STAU2: variants seen among roughly 807,000 people sequenced by gnomAD.
STAU2 encodes double-stranded RNA-binding protein Staufen homolog 2.
In STAU2, 20 loss-of-function variants were observed where a neutral mutation model predicts 65.9. The observed-to-expected ratio is 0.30, with a 90% CI of 0.21 to 0.44. The LOEUF (loss-of-function observed/expected upper bound fraction) is 0.44, where lower values mean the gene tolerates loss of function less well. STAU2 is among the 20% of genes least tolerant of loss of function. The pLI, the probability that STAU2 is intolerant of heterozygous loss-of-function variation, is 1.00. For synonymous variants in STAU2, 232 were observed against 233.9 expected, an observed-to-expected ratio of 0.99 and a Z score of 0.07; for missense variants, 558 against 683.9, an observed-to-expected ratio of 0.82 and a Z score of 2.05.
At chr8:73,741,788 C>T (rs1413481435) in intron 1 of STAU2, among the ~76,000 whole-genome samples, 1 of 152,232 alleles carries the variant, frequency 6.6e-6, no homozygotes, top group Non-Finnish European at 1.5e-5. Flanking sequence ...GCCAAGATTA[C>T]AGGCGTGAGC....
intron 13 of STAU2, among the ~76,000 whole-genome samples, chr8:73,453,637 A>G (rs970265396): frequency 3.3e-5 from 5 of 152,226 alleles, no homozygotes; most frequent in Non-Finnish European, 5.9e-5. Context: ...TAGCTAAACC[A>G]GTTTGAAAAT....
intron 13 of STAU2, among the ~76,000 whole-genome samples, chr8:73,534,497 A>G (rs1466217966): frequency 6.6e-6 from 1 of 152,194 alleles, no homozygotes; most frequent in African/African-American, 2.4e-5. Flanking sequence ...GTACAAATCT[A>G]CATGTTAGTT....
At chr8:73,438,390 G>A (rs1413419411) in intron 13 of STAU2, among the ~76,000 whole-genome samples, 1 of 152,204 alleles carries the variant, frequency 6.6e-6, no homozygotes, top group Non-Finnish European at 1.5e-5. Context: ...GACACCAAGA[G>A]GTGGTGCTCA....
At chr8:73,726,152 A>T (rs1170402446) in intron 3 of STAU2, among the ~76,000 whole-genome samples, 1 of 152,102 alleles carries the variant, frequency 6.6e-6, no homozygotes, top group African/African-American at 2.4e-5. Flanking sequence ...GGAACTGGAG[A>T]CTTATTCTAA....
chr8:73,640,016 A>C (rs2130117354), intron 6 of STAU2, among the ~76,000 whole-genome samples: 1 of 152,258 alleles, frequency 6.6e-6, no homozygotes, highest in African/African-American at 2.4e-5. Flanking sequence ...AGTAAGAATA[A>C]CATTCTGTTG....
intron 13 of STAU2, among the ~76,000 whole-genome samples, chr8:73,496,168 A>G (rs1821408598): frequency 6.6e-6 from 1 of 151,488 alleles, no homozygotes; most frequent in Admixed American, 6.6e-5. Context: ...GGTATTCACT[A>G]TAAAATTCTG....
intron 3 of STAU2, among the ~76,000 whole-genome samples, chr8:73,728,724 G>A (rs1005732271): frequency 6.6e-6 from 1 of 151,972 alleles, no homozygotes; most frequent in Non-Finnish European, 1.5e-5. Context: ...TTTTTGTATT[G>A]TTCATTCCGA....
chr8:73,453,053 G>A (rs1053335078), intron 13 of STAU2, among the ~76,000 whole-genome samples: 6 of 152,124 alleles, frequency 3.9e-5, no homozygotes, highest in Non-Finnish European at 5.9e-5. Flanking sequence ...TTGTATTTGT[G>A]GCTAGTAAAT....
chr8:73,742,663 G>A (rs1168002923), intron 1 of STAU2, among the ~76,000 whole-genome samples: 1 of 151,808 alleles, frequency 6.6e-6, no homozygotes, highest in African/African-American at 2.4e-5. Flanking sequence ...TATCTGGTCA[G>A]GCATATGAAG....
At chr8:73,532,262 A>C (rs1805871502) in intron 13 of STAU2, among the ~76,000 whole-genome samples, 1 of 152,152 alleles carries the variant, frequency 6.6e-6, no homozygotes, top group African/African-American at 2.4e-5. Flanking sequence ...AAAATATTTT[A>C]CCCCAATATA....
chr8:73,587,455 C>G (rs571786292), intron 11 of STAU2, among the ~76,000 whole-genome samples: 2 of 152,154 alleles, frequency 1.3e-5, no homozygotes, highest in South Asian at 4.1e-4. Context: ...AGAACCTTAA[C>G]AGCAGCTCTG....
chr8:73,532,883 C>T (rs1175688189), intron 13 of STAU2, among the ~76,000 whole-genome samples: 1 of 152,178 alleles, frequency 6.6e-6, no homozygotes, highest in African/African-American at 2.4e-5. Context: ...GTAAGCCACG[C>T]ACCTCCTCCA....
chr8:73,583,736 G>T (rs1489294452), intron 11 of STAU2, among the ~76,000 whole-genome samples: 1 of 152,068 alleles, frequency 6.6e-6, no homozygotes, highest in Non-Finnish European at 1.5e-5. Context: ...CTAACTTTAA[G>T]CAAACTAAGT....
intron 13 of STAU2, among the ~76,000 whole-genome samples, chr8:73,435,196 T>C (rs1170951022): frequency 6.6e-6 from 1 of 151,948 alleles, no homozygotes; most frequent in African/African-American, 2.4e-5. Flanking sequence ...TGTCCCTAAT[T>C]TCCCACCTGC....
intron 6 of STAU2, among the ~76,000 whole-genome samples, chr8:73,652,044 G>A (rs1815924537): frequency 1.3e-5 from 2 of 152,208 alleles, no homozygotes; most frequent in Non-Finnish European, 1.5e-5. Context: ...TTGTTATAGG[G>A]AGGGCTTTCA....
intron 9 of STAU2, among the ~76,000 whole-genome samples, chr8:73,611,073 A>G (rs1178177625): frequency 6.6e-6 from 1 of 152,260 alleles, no homozygotes; most frequent in Non-Finnish European, 1.5e-5. Context: ...GCAAATAATC[A>G]TAGATATTTT....
intron 5 of STAU2, among the ~76,000 whole-genome samples, chr8:73,679,447 C>A (rs190445147): frequency 3.8e-4 from 58 of 151,650 alleles, no homozygotes; most frequent in Non-Finnish European, 6.3e-4. Context: ...GCCAAAACAC[C>A]GTGAGTGCCC....
intron 13 of STAU2, among the ~76,000 whole-genome samples, chr8:73,459,140 G>A (rs1359223476): frequency 6.6e-6 from 1 of 152,122 alleles, no homozygotes; most frequent in Non-Finnish European, 1.5e-5. Flanking sequence ...AACGGCTGCT[G>A]TTTTGGTGTT....
In STAU2 at chr8:73,635,402, T is replaced by A. The variant is rs921141571; in HGVS notation, c.411-17951A>T. Among the ~76,000 whole-genome samples, 4 of 152,308 alleles carry A rather than the reference T, an allele frequency of 2.6e-5. No individual in the cohort carries two copies. In the East Asian group the frequency reaches 7.7e-4, roughly 29 times the overall value. ...TTTTTTTCTTTTAATAGCTTGAATT[T>A]GAAGGCAAGCCCATCTATTCCATGT... On this transcript the variant is annotated intron_variant, in intron 6 of 14. Coordinates refer to ENST00000524300, the MANE Select transcript of STAU2 (RefSeq NM_001164380.2).
Sources: allele counts gnomAD v4.1 joint callset (sites outside exome capture counted in the v4.1 genomes callset), GRCh38; gene constraint gnomAD v4.1.1; transcripts MANE v1.5; gene names NCBI Gene and HGNC (gene_info 2026-07-23, HGNC 2026-07-21).